TENM3: variants seen among roughly 807,000 people sequenced by gnomAD.
TENM3 encodes teneurin transmembrane protein 3.
TENM3 carries 63 observed loss-of-function variants against 255.1 expected under a neutral mutation model. The observed-to-expected ratio is 0.25, with a 90% CI of 0.20 to 0.30. TENM3 has a LOEUF of 0.30. TENM3 is among the 10% of genes least tolerant of loss of function. TENM3 has a pLI of 1.00. For synonymous variants in TENM3, 1,306 were observed against 1,322.3 expected, an observed-to-expected ratio of 0.99 and a Z score of 0.27; for missense variants, 2,929 against 3,461.1, an observed-to-expected ratio of 0.85 and a Z score of 3.86.
At chr4:181,917,383 T>C in the TENM3 span, among the ~76,000 whole-genome samples, 1 of 152,016 alleles carries the variant, frequency 6.6e-6, no homozygotes, top group African/African-American at 2.4e-5. Context: ...AGCATCTCTC[T>C]TTTTTTTGTT....
At chr4:182,114,395 T>A in the TENM3 span, among the ~76,000 whole-genome samples, 2 of 152,068 alleles carry the variant, frequency 1.3e-5, no homozygotes, top group East Asian at 3.8e-4. Context: ...CTCCTCTTCC[T>A]CCTCCTCCTT....
At chr4:181,497,741 G>A in the TENM3 span, among the ~76,000 whole-genome samples, 1 of 152,108 alleles carries the variant, frequency 6.6e-6, no homozygotes, top group African/African-American at 2.4e-5. Flanking sequence ...TTGTTTTAAT[G>A]ATCAAACTTA....
intron 1 of TENM3, among the ~76,000 whole-genome samples, chr4:182,211,198 A>G (rs904306710): frequency 2.0e-5 from 3 of 152,232 alleles, no homozygotes; most frequent in Non-Finnish European, 4.4e-5. Context: ...TAAAGGTAGT[A>G]TTCATAAAGC....
At chr4:181,983,674 C>A in the TENM3 span, among the ~76,000 whole-genome samples, 2 of 152,080 alleles carry the variant, frequency 1.3e-5, no homozygotes, top group African/African-American at 4.8e-5. Context: ...TTCTGTTATG[C>A]ATCAACCATA....
the TENM3 span, among the ~76,000 whole-genome samples, chr4:181,988,334 C>T: frequency 2.0e-5 from 3 of 152,038 alleles, no homozygotes; most frequent in East Asian, 1.9e-4. Context: ...ATCAACCTCT[C>T]GTAGCAACCC....
At chr4:181,676,653 A>G in the TENM3 span, among the ~76,000 whole-genome samples, 1 of 152,130 alleles carries the variant, frequency 6.6e-6, no homozygotes, top group African/African-American at 2.4e-5. Context: ...CTTTCTAACT[A>G]TAAGTCAGAA....
At chr4:181,889,075 A>T in the TENM3 span, among the ~76,000 whole-genome samples, 31 of 152,246 alleles carry the variant, frequency 2.0e-4, no homozygotes, top group African/African-American at 7.5e-4. Flanking sequence ...ATATTAAATC[A>T]ACCATCACAC....
the TENM3 span, among the ~76,000 whole-genome samples, chr4:181,940,462 G>A: frequency 6.6e-6 from 1 of 151,918 alleles, no homozygotes; most frequent in South Asian, 2.1e-4. Context: ...GTTCCAGTCC[G>A]GTGCAGTACA....
the TENM3 span, among the ~76,000 whole-genome samples, chr4:182,100,477 A>T: frequency 6.9e-6 from 1 of 145,200 alleles, no homozygotes; most frequent in South Asian, 2.1e-4. Context: ...ACACACACAC[A>T]CACACATATA....
At chr4:182,126,157 T>C in the TENM3 span, among the ~76,000 whole-genome samples, 1 of 152,208 alleles carries the variant, frequency 6.6e-6, no homozygotes, top group African/African-American at 2.4e-5. Context: ...GAAGATATTT[T>C]CGAGTGGCAT....
At chr4:182,622,333 G>A (rs1323515392) in intron 4 of TENM3, among the ~76,000 whole-genome samples, 1 of 152,070 alleles carries the variant, frequency 6.6e-6, no homozygotes, top group African/African-American at 2.4e-5. Flanking sequence ...GATGACAAGA[G>A]CAAAACTCTA....
At chr4:182,522,561 G>A (rs984041982) in intron 3 of TENM3, among the ~76,000 whole-genome samples, 3 of 152,018 alleles carry the variant, frequency 2.0e-5, no homozygotes, top group South Asian at 2.1e-4. Context: ...TATATACCAC[G>A]TTTTCTTTCT....
chr4:181,495,313 A>G, the TENM3 span, among the ~76,000 whole-genome samples: 648 of 152,288 alleles, frequency 4.3e-3, 5 homozygotes, highest in Non-Finnish European at 6.5e-3. Context: ...CACCTCAGGC[A>G]TCAGGGACAA....
chr4:181,557,823 G>A, the TENM3 span, among the ~76,000 whole-genome samples: 5 of 152,126 alleles, frequency 3.3e-5, no homozygotes, highest in African/African-American at 4.8e-5. Context: ...AAGCCACCAC[G>A]CCTGACCTCT....
chr4:181,742,618 AAAAT>A, the TENM3 span, among the ~76,000 whole-genome samples: 1 of 152,140 alleles, frequency 6.6e-6, no homozygotes, highest in African/African-American at 2.4e-5. Context: ...ACTATGGAGA[AAAAT>A]AAAATAAGGA....
At chr4:182,461,909 TTTTC>T (rs990334713) in intron 3 of TENM3, among the ~76,000 whole-genome samples, 20 of 152,268 alleles carry the variant, frequency 1.3e-4, no homozygotes, top group Admixed American at 1.1e-3. Flanking sequence ...CAGTTTGCTG[TTTTC>T]TTGACATGCT....
At chr4:181,556,451 A>T in the TENM3 span, among the ~76,000 whole-genome samples, 2 of 152,188 alleles carry the variant, frequency 1.3e-5, no homozygotes, top group Admixed American at 6.5e-5. Flanking sequence ...AACTTTAATT[A>T]ACATTGATAT....
At position 182,785,367 on chromosome 4, in the gene TENM3, C is replaced by T. The variant is rs148945302; in HGVS notation, c.5305-3726C>T. Among the ~76,000 whole-genome samples, 364 of 152,022 alleles carry T rather than the reference C, an allele frequency of 2.4e-3. 3 individuals are homozygous for T. Among genetic ancestry groups the T allele is most frequent in the African/African-American group, 8.1e-3 (337 of 41,452 alleles). On this transcript the variant is annotated intron_variant, in intron 24 of 27. Transcript: ENST00000511685. ...AATTACAGACATGAGCCACCCCTCCCGGTCTTAACCTGATATTTTTAATAA... is the reference window on the plus strand; with the variant it reads ...AATTACAGACATGAGCCACCCCTCCTGGTCTTAACCTGATATTTTTAATAA...
At chr4:182,294,855 T>C (rs1580058314) in intron 1 of TENM3, among the ~76,000 whole-genome samples, 2 of 152,200 alleles carry the variant, frequency 1.3e-5, no homozygotes, top group African/African-American at 4.8e-5. Flanking sequence ...ACAAGCATAA[T>C]GTATATGCCC....
Sources: gnomAD v4.1 joint callset for allele counts (sites outside exome capture counted in the v4.1 genomes callset) on GRCh38, gnomAD v4.1.1 for gene constraint, MANE v1.5 for transcripts, NCBI Gene and HGNC (gene_info 2026-07-23, HGNC 2026-07-21) for gene names.